The following TASP1 variants were observed in gnomAD, a reference collection of about 807,000 sequenced individuals.
TASP1 encodes threonine aspartase 1.
TASP1 carries 16 observed loss-of-function variants against 56.6 expected under a neutral mutation model. That is an observed-to-expected ratio of 0.28 (90% CI 0.19 to 0.43). TASP1 has a LOEUF of 0.43. Among genes scored for constraint, TASP1 ranks in the 20% least tolerant of loss-of-function variants. The pLI is 1.00. For synonymous variants in TASP1, 179 were observed against 184.2 expected, an observed-to-expected ratio of 0.97 and a Z score of 0.23; for missense variants, 393 against 511.6, an observed-to-expected ratio of 0.77 and a Z score of 2.24.
chr20:13,111,729 C>T, the TASP1 span, among the ~76,000 whole-genome samples: 1 of 152,150 alleles, frequency 6.6e-6, no homozygotes, highest in Admixed American at 6.5e-5. Context: ...GAACACAGAT[C>T]AGCTGAGAGA....
At chr20:13,403,042 G>A (rs1223844989) in intron 13 of TASP1, among the ~76,000 whole-genome samples, 1 of 152,188 alleles carries the variant, frequency 6.6e-6, no homozygotes, top group Non-Finnish European at 1.5e-5. Flanking sequence ...TGTCAAAGTG[G>A]TAGACCTCTA....
chr20:13,556,049 T>C lies in TASP1; in HGVS notation c.675+2959A>G, dbSNP rs1396563151. On this transcript the variant is annotated intron_variant, in intron 8 of 13. Coordinates refer to ENST00000337743, the MANE Select transcript of TASP1 (RefSeq NM_017714.3). The stretch of plus-strand genomic sequence containing the variant: ...GAAAGCATTGGTCAATCTGAGCCCA[T>C]TAAGTTGGAGATGGGTTAAGAAAGT... Among the ~76,000 whole-genome samples the C allele has an allele frequency of 2.0e-5, 3 of 152,172 alleles. No individual in the cohort carries two copies. The East Asian group carries it at 5.8e-4, about 29-fold the overall frequency.
At chr20:13,380,038 G>T in the TASP1 span, among the ~76,000 whole-genome samples, 1 of 152,120 alleles carries the variant, frequency 6.6e-6, no homozygotes, top group African/African-American at 2.4e-5. Context: ...GCTTGGAGGA[G>T]TTTGTTATTA....
At chr20:13,272,475 G>A in the TASP1 span, among the ~76,000 whole-genome samples, 2 of 152,226 alleles carry the variant, frequency 1.3e-5, no homozygotes, top group African/African-American at 2.4e-5. Context: ...AAACAGTGCT[G>A]GAGGGATCAT....
At chr20:13,447,255 C>T (rs1048064057) in intron 11 of TASP1, among the ~76,000 whole-genome samples, 1 of 152,076 alleles carries the variant, frequency 6.6e-6, no homozygotes, top group Non-Finnish European at 1.5e-5. Flanking sequence ...ATAGTAGTAT[C>T]ACACTACTGT....
intron 10 of TASP1, among the ~76,000 whole-genome samples, chr20:13,511,860 GT>G (rs2044342685): frequency 6.6e-6 from 1 of 150,572 alleles, no homozygotes; most frequent in Non-Finnish European, 1.5e-5. Context: ...GAGGTGTTTG[GT>G]TTTTTGTCCT....
At chr20:13,364,187 T>C in the TASP1 span, among the ~76,000 whole-genome samples, 1 of 152,320 alleles carries the variant, frequency 6.6e-6, no homozygotes, top group Middle Eastern at 3.4e-3. Flanking sequence ...GATTAACATT[T>C]TTCTGGTATA....
chr20:13,259,581 A>G, the TASP1 span, among the ~76,000 whole-genome samples: 1 of 152,376 alleles, frequency 6.6e-6, no homozygotes, highest in Admixed American at 6.5e-5. Context: ...ACAGATGTTT[A>G]TAAAGTTAGT....
At chr20:13,299,033 C>G in the TASP1 span, 1 of 1,613,788 alleles carries the variant, frequency 6.2e-7, no homozygotes, top group Non-Finnish European at 8.5e-7. This position sits in a 1 kb window ranked among gnomAD's most constrained non-coding sequence, Gnocchi z 5.8. Flanking sequence ...CCAGCTGCCC[C>G]TGCTCCTACC....
the TASP1 span, among the ~76,000 whole-genome samples, chr20:13,364,905 A>G: frequency 2.6e-5 from 4 of 151,946 alleles, no homozygotes; most frequent in African/African-American, 9.7e-5. Flanking sequence ...AGCCACGAAT[A>G]TGCTCCATTG....
At chr20:13,214,021 A>G in the TASP1 span, among the ~76,000 whole-genome samples, 45 of 152,330 alleles carry the variant, frequency 3.0e-4, no homozygotes, top group African/African-American at 1.1e-3. Context: ...CAATGACAAT[A>G]AAATGCAGAG....
rs569908370 is a variant in TASP1, at chr20:13,416,766, T to C, written c.1170+682A>G. Among the ~76,000 whole-genome samples, 25 of 152,248 alleles carry C rather than the reference T, an allele frequency of 1.6e-4. No homozygotes were observed. In the Middle Eastern group the frequency reaches 0.01, roughly 62 times the overall value. ...GAACAAGAAGAACATGAGGCCAATA[T>C]AAAATAAAATCCACAAATCATGTTG... On this transcript the variant is annotated intron_variant, in intron 13 of 13. Transcript: ENST00000337743.
At chr20:13,412,110 T>C (rs1016942123) in intron 13 of TASP1, among the ~76,000 whole-genome samples, 25 of 152,194 alleles carry the variant, frequency 1.6e-4, no homozygotes, top group Admixed American at 6.5e-5. Context: ...CACAATTCTT[T>C]GCTCTGCTCC....
the TASP1 span, among the ~76,000 whole-genome samples, chr20:13,383,041 A>T: frequency 6.6e-6 from 1 of 152,106 alleles, no homozygotes; most frequent in East Asian, 1.9e-4. Flanking sequence ...AGCATGTGCA[A>T]TGCTTCTGAG....
the TASP1 span, among the ~76,000 whole-genome samples, chr20:13,381,106 C>T: frequency 6.6e-6 from 1 of 152,138 alleles, no homozygotes; most frequent in Non-Finnish European, 1.5e-5. Context: ...GCTGGCATTC[C>T]AGGCACCACT....
the TASP1 span, among the ~76,000 whole-genome samples, chr20:13,375,926 G>GT: frequency 1.1e-3 from 169 of 147,244 alleles, no homozygotes; most frequent in Middle Eastern, 3.5e-3. Context: ...TGATGGGGTT[G>GT]TTTTTTTTTT....
the TASP1 span, among the ~76,000 whole-genome samples, chr20:13,147,233 G>A: frequency 6.6e-6 from 1 of 152,080 alleles, no homozygotes; most frequent in Non-Finnish European, 1.5e-5. Context: ...CTGGAATCCC[G>A]ACATCAAAAG....
At chr20:13,342,423 T>C in the TASP1 span, among the ~76,000 whole-genome samples, 9 of 152,190 alleles carry the variant, frequency 5.9e-5, no homozygotes, top group Non-Finnish European at 8.8e-5. Context: ...AGAAATGCAA[T>C]GTAGTCAGAG....
At chr20:13,320,495 G>A in the TASP1 span, among the ~76,000 whole-genome samples, 2 of 152,146 alleles carry the variant, frequency 1.3e-5, no homozygotes, top group Admixed American at 6.5e-5. Flanking sequence ...CAGATATTAG[G>A]TGGCTTTAGA....
Sources: gnomAD v4.1 joint callset for allele counts (sites outside exome capture counted in the v4.1 genomes callset) on GRCh38, gnomAD v4.1.1 for gene constraint, Gnocchi (gnomAD v3.1) non-coding constraint, MANE v1.5 for transcripts, NCBI Gene and HGNC (gene_info 2026-07-23, HGNC 2026-07-21) for gene names.